The following POU6F2 variants were observed in gnomAD, a reference collection of about 807,000 sequenced individuals.
POU6F2 encodes the protein POU domain, class 6, transcription factor 2.
POU6F2 carries 31 observed loss-of-function variants against 71.3 expected under a neutral mutation model. The observed-to-expected ratio is 0.43, with a 90% CI of 0.33 to 0.59. The LOEUF is 0.59. Among genes scored for constraint, POU6F2 ranks in the 20% least tolerant of loss-of-function variants. POU6F2 has a pLI of 0.04. For missense variants in POU6F2, 783 were observed against 856.8 expected (o/e 0.91, Z 1.07); for synonymous variants, 347 against 355.7 (o/e 0.98, Z 0.27).
chr7:39,299,548 C>T (rs1784914603), intron 4 of POU6F2, among the ~76,000 whole-genome samples: 1 of 152,194 alleles, frequency 6.6e-6, no homozygotes, highest in Non-Finnish European at 1.5e-5. Flanking sequence ...CCCTGCCCAG[C>T]AGAAAACTAC....
At position 39,312,858 on chromosome 7, in the gene POU6F2, A is replaced by G. The variant is rs575141835; in HGVS notation, c.599-26784A>G. On this transcript the variant is annotated intron_variant, in intron 4 of 9. Coordinates refer to ENST00000518318, the MANE Select transcript of POU6F2 (RefSeq NM_001370959.1). ...GGTTGCTTCACTTCCCGCAGGGGACAGAGTGGGACGGTGTGAGATTTCATC... is the reference window on the plus strand; with the variant it reads ...GGTTGCTTCACTTCCCGCAGGGGACGGAGTGGGACGGTGTGAGATTTCATC... Among the ~76,000 whole-genome samples, 6 of 152,334 alleles carry G rather than the reference A, an allele frequency of 3.9e-5. No homozygotes were observed. In the South Asian group the frequency reaches 8.3e-4, roughly 21 times the overall value.
chr7:39,364,706 C>T (rs1786462394), intron 5 of POU6F2, among the ~76,000 whole-genome samples: 2 of 152,168 alleles, frequency 1.3e-5, no homozygotes, highest in South Asian at 4.1e-4. Flanking sequence ...TATGCAATCA[C>T]GAATTGTGCT....
intron 6 of POU6F2, among the ~76,000 whole-genome samples, chr7:39,417,353 A>T (rs1403197546): frequency 6.6e-6 from 1 of 152,208 alleles, no homozygotes; most frequent in Non-Finnish European, 1.5e-5. Context: ...AATCAGAGTT[A>T]GGTAGGAATG....
chr7:39,116,937 A>G (rs1238283022), intron 2 of POU6F2, among the ~76,000 whole-genome samples: 1 of 152,196 alleles, frequency 6.6e-6, no homozygotes, highest in Non-Finnish European at 1.5e-5. Context: ...TAGGAAGTTC[A>G]GGGGTATATT....
intron 4 of POU6F2, among the ~76,000 whole-genome samples, chr7:39,336,354 C>T (rs528015588): frequency 6.6e-6 from 1 of 152,302 alleles, no homozygotes; most frequent in East Asian, 1.9e-4. Flanking sequence ...TGCCTTCTGT[C>T]TCTATGGACT....
chr7:39,148,088 C>T (rs1792658287), intron 2 of POU6F2, among the ~76,000 whole-genome samples: 1 of 152,226 alleles, frequency 6.6e-6, no homozygotes, highest in African/African-American at 2.4e-5. Flanking sequence ...ACAAGAGAAA[C>T]CTTTTAACAA....
At chr7:39,339,077 A>ATTT (rs3072124) in intron 4 of POU6F2, among the ~76,000 whole-genome samples, 20 of 139,772 alleles carry the variant, frequency 1.4e-4, no homozygotes, top group African/African-American at 5.5e-4. Context: ...CTGCTTTTGA[A>ATTT]TTTTTAAAAA....
chr7:39,304,183 A>G (rs1424160930), intron 4 of POU6F2, among the ~76,000 whole-genome samples: 1 of 152,250 alleles, frequency 6.6e-6, no homozygotes, highest in Admixed American at 6.5e-5. Context: ...AAACTGAGAA[A>G]GCTGCAACAC....
At chr7:39,081,887 C>G (rs1226102374) in intron 1 of POU6F2, among the ~76,000 whole-genome samples, 1 of 152,154 alleles carries the variant, frequency 6.6e-6, no homozygotes, top group Non-Finnish European at 1.5e-5. Context: ...AAAAAAGGTG[C>G]TGACTTTTGG....
chr7:39,118,523 T>C lies in POU6F2; in HGVS notation c.277+32492T>C, dbSNP rs940204790. On this transcript the variant is annotated intron_variant, in intron 2 of 9. Transcript: ENST00000518318. The stretch of plus-strand genomic sequence containing the variant: ...AAGAGCTCTTGGAAATTAAAAAATA[T>C]GATGACTGAAATTAAAAAATCAACA... 4.0e-5 allele frequency among the ~76,000 whole-genome samples: 6 copies of C among 151,486 alleles called. No homozygotes were observed. The South Asian group carries it at 6.3e-4, about 16-fold the overall frequency.
At chr7:39,351,260 A>G (rs1217270973) in intron 5 of POU6F2, among the ~76,000 whole-genome samples, 1 of 152,202 alleles carries the variant, frequency 6.6e-6, no homozygotes, top group African/African-American at 2.4e-5. Flanking sequence ...TTATGATATA[A>G]TAAGACTGGG....
chr7:38,987,001 C>T (rs1037195809), intron 1 of POU6F2, among the ~76,000 whole-genome samples: 60 of 152,236 alleles, frequency 3.9e-4, no homozygotes, highest in African/African-American at 1.4e-3. Flanking sequence ...CTCTCTTGAT[C>T]TAGCTTTTAA....
chr7:39,260,125 A>G lies in POU6F2; in HGVS notation c.598+52505A>G. On this transcript the variant is annotated intron_variant, in intron 4 of 9. Coordinates refer to ENST00000518318, the MANE Select transcript of POU6F2 (RefSeq NM_001370959.1). ...ACCATGCTCACACCACACACACAAT[A>G]CCACACACACCACACACTCTGTACT... is the stretch of plus-strand genomic sequence containing the variant. Among the ~76,000 whole-genome samples, 2 of 142,834 alleles carry G rather than the reference A, an allele frequency of 1.4e-5. 1 individual carries two copies. The highest frequency in any genetic ancestry group is 4.1e-4 in the East Asian group (2 of 4,902). The allele number at this position is 142,834 out of a possible 152,430, so 93.7% of individuals were successfully genotyped here.
chr7:39,446,356 T>C (rs1788523567), intron 7 of POU6F2, among the ~76,000 whole-genome samples: 1 of 152,250 alleles, frequency 6.6e-6, no homozygotes, highest in South Asian at 2.1e-4. Flanking sequence ...TTATATTTAA[T>C]CCCATTTGAA....
chr7:39,297,557 A>G (rs1241295361), intron 4 of POU6F2, among the ~76,000 whole-genome samples: 1 of 152,212 alleles, frequency 6.6e-6, no homozygotes, highest in Non-Finnish European at 1.5e-5. Flanking sequence ...TTAGTTTGCA[A>G]GACCACTGTG....
At chr7:39,317,991 G>T (rs1455765046) in intron 4 of POU6F2, among the ~76,000 whole-genome samples, 1 of 151,988 alleles carries the variant, frequency 6.6e-6, no homozygotes, top group Non-Finnish European at 1.5e-5. Flanking sequence ...CCCTTTCTTC[G>T]CAGCCTGACT....
chr7:39,106,047 C>T (rs17171537), intron 2 of POU6F2, among the ~76,000 whole-genome samples: 34,527 of 152,162 alleles, frequency 0.23, 4,575 homozygotes, highest in East Asian at 0.56. Flanking sequence ...TGCCAGTCTG[C>T]AGAACTTTTC....
At chr7:39,336,291 A>G (rs1457618969) in intron 4 of POU6F2, among the ~76,000 whole-genome samples, 1 of 152,182 alleles carries the variant, frequency 6.6e-6, no homozygotes, top group East Asian at 1.9e-4. Flanking sequence ...ACTCACACCC[A>G]CTGGCATCTC....
rs117141159 is a variant in POU6F2, at chr7:39,332,380, G to A, written c.599-7262G>A. Among the ~76,000 whole-genome samples, 359 of 152,276 alleles carry A rather than the reference G, an allele frequency of 2.4e-3. 1 individual carries two copies. Among genetic ancestry groups the A allele is most frequent in the Non-Finnish European group, 3.3e-3 (224 of 68,024 alleles). ...TGTTGCTCTCTTGAGTGACTTCAACGCTGTTTCCTGGGTCCTTTGTCTTCC... is the reference window on the plus strand; with the variant it reads ...TGTTGCTCTCTTGAGTGACTTCAACACTGTTTCCTGGGTCCTTTGTCTTCC... On this transcript the variant is annotated intron_variant, in intron 4 of 9. Coordinates refer to ENST00000518318, the MANE Select transcript of POU6F2 (RefSeq NM_001370959.1).
Sources: gnomAD v4.1 joint callset for allele counts (sites outside exome capture counted in the v4.1 genomes callset) on GRCh38, gnomAD v4.1.1 for gene constraint, MANE v1.5 for transcripts, NCBI Gene and HGNC (gene_info 2026-07-23, HGNC 2026-07-21) for gene names.